FAM135B: variants seen among roughly 807,000 people sequenced by gnomAD.
FAM135B encodes protein FAM135B.
A neutral mutation model predicts 127.7 loss-of-function variants in FAM135B; 43 were observed. That is an observed-to-expected ratio of 0.34 (90% CI 0.26 to 0.43). The LOEUF is 0.43. FAM135B is among the 20% of genes least tolerant of loss of function. FAM135B has a pLI of 1.00. For synonymous variants in FAM135B, 670 were observed against 665.1 expected, an observed-to-expected ratio of 1.01 and a Z score of -0.11; for missense variants, 1,558 against 1,725.6, an observed-to-expected ratio of 0.90 and a Z score of 1.72.
chr8:138,447,072 C>A (rs1262232126), intron 1 of FAM135B, among the ~76,000 whole-genome samples: 1 of 150,666 alleles, frequency 6.6e-6, no homozygotes, highest in Non-Finnish European at 1.5e-5. Flanking sequence ...CATCACTGGC[C>A]ATCAGAGAAA....
intron 3 of FAM135B, among the ~76,000 whole-genome samples, chr8:138,307,702 A>G (rs931338277): frequency 1.3e-5 from 2 of 148,550 alleles, no homozygotes; most frequent in Non-Finnish European, 3.0e-5. Flanking sequence ...CTGAAACCCT[A>G]GGCAAAAGGT....
chr8:138,390,476 C>T (rs1832499954), intron 1 of FAM135B, among the ~76,000 whole-genome samples: 1 of 152,182 alleles, frequency 6.6e-6, no homozygotes, highest in Admixed American at 6.5e-5. Context: ...GAGTCCATCA[C>T]ACCTCTTTTT....
intron 19 of FAM135B, among the ~76,000 whole-genome samples, chr8:138,136,847 C>T (rs1312048087): frequency 2.0e-5 from 3 of 152,188 alleles, no homozygotes; most frequent in African/African-American, 4.8e-5. Context: ...AGACAATGTG[C>T]CCCTTGAGGG....
At chr8:138,487,050 T>G (rs1438960944) in intron 1 of FAM135B, among the ~76,000 whole-genome samples, 2 of 152,178 alleles carry the variant, frequency 1.3e-5, no homozygotes, top group Non-Finnish European at 2.9e-5. Context: ...TGTGCCAGTT[T>G]TCAAACTGGA....
At chr8:138,335,402 C>G (rs190600474) in intron 2 of FAM135B, among the ~76,000 whole-genome samples, 5 of 152,186 alleles carry the variant, frequency 3.3e-5, no homozygotes, top group Admixed American at 3.3e-4. Context: ...CCTAAATAGT[C>G]ATACAAATTA....
At chr8:138,368,972 T>A (rs1830944825) in intron 1 of FAM135B, among the ~76,000 whole-genome samples, 1 of 152,158 alleles carries the variant, frequency 6.6e-6, no homozygotes, top group African/African-American at 2.4e-5. Context: ...TTTGTATTAT[T>A]CTTGCCCCAT....
At chr8:138,150,142 A>G (rs1030267524) in intron 13 of FAM135B, among the ~76,000 whole-genome samples, 4 of 152,224 alleles carry the variant, frequency 2.6e-5, no homozygotes, top group Non-Finnish European at 5.9e-5. Context: ...AATCAGATAT[A>G]TAGTTTATAG....
At position 138,185,325 on chromosome 8, in the gene FAM135B, C is replaced by T. The variant is rs145293441; in HGVS notation, c.874-6635G>A. Among the ~76,000 whole-genome samples the T allele has an allele frequency of 1.1e-4, 16 of 152,256 alleles. No homozygotes were observed. In the East Asian group the frequency reaches 2.7e-3, roughly 26 times the overall value. On this transcript the variant is annotated intron_variant, in intron 9 of 19. Transcript: ENST00000395297. ...CATTGTTGGAAGGTAGATAGTGTCC[C>T]GGAGTGCCTCTTATGCTCTTTACCC... is the stretch of plus-strand genomic sequence containing the variant.
intron 13 of FAM135B, among the ~76,000 whole-genome samples, chr8:138,150,427 T>C (rs1818025975): frequency 6.6e-6 from 1 of 152,194 alleles, no homozygotes; most frequent in Non-Finnish European, 1.5e-5. Context: ...CCCAGCACTT[T>C]GGGAGGCCCA....
chr8:138,140,260 C>T (rs4637895), intron 17 of FAM135B, among the ~76,000 whole-genome samples: 104,355 of 152,084 alleles, frequency 0.69, 35,879 homozygotes, highest in East Asian at 0.77. Flanking sequence ...CATGAGGAAA[C>T]AACGTTAGTG....
At chr8:138,161,550 G>T (rs1819391656) in intron 12 of FAM135B, among the ~76,000 whole-genome samples, 1 of 152,132 alleles carries the variant, frequency 6.6e-6, no homozygotes, top group African/African-American at 2.4e-5. Context: ...TCCTCCACAT[G>T]GTCTTAGCAG....
At chr8:138,313,232 A>G (rs1363750738) in intron 2 of FAM135B, among the ~76,000 whole-genome samples, 1 of 152,054 alleles carries the variant, frequency 6.6e-6, no homozygotes, top group Non-Finnish European at 1.5e-5. Flanking sequence ...CCCGGGTTCA[A>G]GTGATTCTCC....
intron 2 of FAM135B, among the ~76,000 whole-genome samples, chr8:138,325,309 T>C (rs1827727025): frequency 6.6e-6 from 1 of 152,146 alleles, no homozygotes; most frequent in Non-Finnish European, 1.5e-5. Flanking sequence ...TAACTTCACA[T>C]TGGTATCTTG....
intron 1 of FAM135B, among the ~76,000 whole-genome samples, chr8:138,392,611 T>C (rs950652385): frequency 6.6e-6 from 1 of 152,090 alleles, no homozygotes; most frequent in African/African-American, 2.4e-5. Context: ...AAAAGAACAA[T>C]GCTTTAGAAT....
chr8:138,224,403 G>A (rs1278103946), intron 7 of FAM135B, among the ~76,000 whole-genome samples: 1 of 152,108 alleles, frequency 6.6e-6, no homozygotes, highest in Admixed American at 6.6e-5. Flanking sequence ...GACAACGCAA[G>A]AGGGGCTAGA....
intron 2 of FAM135B, among the ~76,000 whole-genome samples, chr8:138,313,286 C>T (rs1158825792): frequency 6.6e-6 from 1 of 152,082 alleles, no homozygotes; most frequent in African/African-American, 2.4e-5. Flanking sequence ...TACCCACCAC[C>T]ATTCCCAGCT....
chr8:138,267,353 C>G (rs1191880884), intron 3 of FAM135B, among the ~76,000 whole-genome samples: 1 of 152,074 alleles, frequency 6.6e-6, no homozygotes, highest in Admixed American at 6.5e-5. Flanking sequence ...TTTCTGTGGT[C>G]AATAAGGCAC....
intron 3 of FAM135B, among the ~76,000 whole-genome samples, chr8:138,271,855 A>C (rs1246618525): frequency 6.6e-6 from 1 of 152,174 alleles, no homozygotes; most frequent in Non-Finnish European, 1.5e-5. Flanking sequence ...ACTGGTCTAA[A>C]TTCTAGATAC....
At chr8:138,353,554 T>G (rs1829906581) in intron 2 of FAM135B, among the ~76,000 whole-genome samples, 1 of 152,180 alleles carries the variant, frequency 6.6e-6, no homozygotes, top group African/African-American at 2.4e-5. Flanking sequence ...ATATATAAAT[T>G]GTGAATTTTC....
Sources: gnomAD v4.1 joint callset for allele counts (sites outside exome capture counted in the v4.1 genomes callset) on GRCh38, gnomAD v4.1.1 for gene constraint, MANE v1.5 for transcripts, NCBI Gene and HGNC (gene_info 2026-07-23, HGNC 2026-07-21) for gene names.